Variants in TMTC2 observed in about 807,000 individuals in gnomAD.
TMTC2 encodes protein O-mannosyl-transferase TMTC2.
A neutral mutation model predicts 82.4 loss-of-function variants in TMTC2; 43 were observed. The observed-to-expected ratio is 0.52, with a 90% CI of 0.41 to 0.67. The LOEUF (loss-of-function observed/expected upper bound fraction) is 0.67, where lower values mean the gene tolerates loss of function less well. Ranked by LOEUF, TMTC2 falls within the 30% of genes least tolerant of loss-of-function variation. TMTC2 has a pLI of 0.00. For missense variants in TMTC2, 919 were observed against 1,012.4 expected, an observed-to-expected ratio of 0.91 and a Z score of 1.25; for synonymous variants, 408 against 381.9, an observed-to-expected ratio of 1.07 and a Z score of -0.80.
chr12:82,767,023 C>CT (rs1491324628), intron 1 of TMTC2, among the ~76,000 whole-genome samples: 3 of 151,838 alleles, frequency 2.0e-5, no homozygotes, highest in African/African-American at 4.8e-5. Context: ...TTGACAATAG[C>CT]TTTTTTTTCA....
chr12:83,106,523 C>T (rs1267000959), intron 11 of TMTC2, among the ~76,000 whole-genome samples: 1 of 144,006 alleles, frequency 6.9e-6, no homozygotes, highest in Non-Finnish European at 1.5e-5. Context: ...AAAAAAAATG[C>T]ACAGTACACA....
intron 4 of TMTC2, among the ~76,000 whole-genome samples, chr12:82,941,212 G>A (rs937355031): frequency 1.3e-5 from 2 of 152,074 alleles, no homozygotes; most frequent in Non-Finnish European, 2.9e-5. Flanking sequence ...GGATCTCACT[G>A]TGTTGCCAGG....
intron 1 of TMTC2, among the ~76,000 whole-genome samples, chr12:82,718,471 A>G (rs1252996069): frequency 1.3e-5 from 2 of 152,204 alleles, no homozygotes; most frequent in East Asian, 3.8e-4. Flanking sequence ...GAAGCCCAGA[A>G]CATAAAGTAT....
intron 11 of TMTC2, among the ~76,000 whole-genome samples, chr12:83,107,727 A>AC (rs1426251395): frequency 2.0e-5 from 3 of 152,014 alleles, no homozygotes; most frequent in Non-Finnish European, 4.4e-5. Flanking sequence ...ATTGTTGATA[A>AC]CTTCTATCTA....
At chr12:82,886,983 G>A (rs976217329) in intron 2 of TMTC2, among the ~76,000 whole-genome samples, 1 of 152,136 alleles carries the variant, frequency 6.6e-6, no homozygotes, top group African/African-American at 2.4e-5. Context: ...GATGGATGGT[G>A]AATATAAAAT....
intron 8 of TMTC2, chr12:82,986,432 A>T (rs904345570): frequency 1.9e-5 from 3 of 159,462 alleles, no homozygotes; most frequent in Non-Finnish European, 1.4e-5. Context: ...AAACAAACAG[A>T]TGTGAGATGC....
intron 3 of TMTC2, among the ~76,000 whole-genome samples, chr12:82,912,959 TG>T (rs1874777971): frequency 8.0e-6 from 1 of 125,714 alleles, no homozygotes; most frequent in South Asian, 2.6e-4. Context: ...AAAAAAAGAA[TG>T]GGTGGTAATA....
intron 1 of TMTC2, among the ~76,000 whole-genome samples, chr12:82,743,463 A>G (rs935547167): frequency 1.3e-5 from 2 of 151,288 alleles, no homozygotes; most frequent in African/African-American, 2.4e-5. Flanking sequence ...AAAAAAAAAG[A>G]AAAAGCAGAT....
At chr12:82,940,666 T>C (rs1415004321) in intron 4 of TMTC2, among the ~76,000 whole-genome samples, 1 of 151,916 alleles carries the variant, frequency 6.6e-6, no homozygotes, top group Non-Finnish European at 1.5e-5. Context: ...CCTGCAACAT[T>C]CTCTCTCTTT....
At chr12:83,076,403 A>G (rs946276579) in intron 11 of TMTC2, among the ~76,000 whole-genome samples, 2 of 152,076 alleles carry the variant, frequency 1.3e-5, no homozygotes, top group African/African-American at 4.8e-5. Flanking sequence ...TTTTACTCAC[A>G]TTTCTTTGTG....
At chr12:82,901,519 G>T (rs186454556) in intron 3 of TMTC2, among the ~76,000 whole-genome samples, 27 of 151,430 alleles carry the variant, frequency 1.8e-4, no homozygotes, top group African/African-American at 5.6e-4. Context: ...GGCCAGGTTG[G>T]TCTCAAACTC....
intron 9 of TMTC2, among the ~76,000 whole-genome samples, chr12:83,047,265 A>G (rs766620587): frequency 3.3e-5 from 5 of 152,072 alleles, no homozygotes; most frequent in Non-Finnish European, 7.4e-5. Context: ...GGCAAGGGAA[A>G]ATTTTGTTTC....
At chr12:82,755,864 A>G (rs1364345363) in intron 1 of TMTC2, among the ~76,000 whole-genome samples, 1 of 151,834 alleles carries the variant, frequency 6.6e-6, no homozygotes, top group African/African-American at 2.4e-5. Context: ...TATTTTTCTT[A>G]AAAAATAAAA....
intron 2 of TMTC2, among the ~76,000 whole-genome samples, chr12:82,890,438 C>A (rs537828355): frequency 1.3e-5 from 2 of 152,102 alleles, no homozygotes; most frequent in African/African-American, 4.8e-5. Context: ...TCAATTTGTC[C>A]CAGAGCCTGA....
At chr12:83,056,675 C>T (rs751778378) in intron 10 of TMTC2, among the ~76,000 whole-genome samples, 17 of 151,850 alleles carry the variant, frequency 1.1e-4, no homozygotes, top group Non-Finnish European at 1.8e-4. Context: ...ACATTTTCTT[C>T]CTTAACACTT....
intron 1 of TMTC2, among the ~76,000 whole-genome samples, chr12:82,779,950 TTAAG>T (rs72111484): frequency 0.079 from 12,086 of 152,156 alleles, 608 homozygotes; most frequent in Middle Eastern, 0.16. Context: ...AGTTACGGCA[TTAAG>T]TGAGACTCAT....
intron 4 of TMTC2, among the ~76,000 whole-genome samples, chr12:82,951,604 A>T (rs1877350166): frequency 6.6e-6 from 1 of 152,154 alleles, no homozygotes; most frequent in African/African-American, 2.4e-5. Context: ...TACAGGTGTG[A>T]GCCACTGCGC....
chr12:82,821,081 A>T (rs1299101253), intron 1 of TMTC2, among the ~76,000 whole-genome samples: 1 of 151,520 alleles, frequency 6.6e-6, no homozygotes, highest in African/African-American at 2.4e-5. Context: ...CTGGTCTTGA[A>T]CTCCTGGCCT....
At chr12:83,089,844 A>AC in intron 11 of TMTC2, among the ~76,000 whole-genome samples, 1 of 144,020 alleles carries the variant, frequency 6.9e-6, no homozygotes, top group Non-Finnish European at 1.5e-5. Context: ...AAAAAACAAA[A>AC]AACAAAAAAA....
Sources: gnomAD v4.1 joint callset for allele counts (sites outside exome capture counted in the v4.1 genomes callset) on GRCh38, gnomAD v4.1.1 for gene constraint, MANE v1.5 for transcripts, NCBI Gene and HGNC (gene_info 2026-07-23, HGNC 2026-07-21) for gene names.